UGT2B17: variants seen among roughly 807,000 people sequenced by gnomAD.
UGT2B17 encodes the protein UDP-glucuronosyltransferase 2B17.
Under a neutral mutation model 48.2 loss-of-function variants are expected in UGT2B17, and 21 were observed. The ratio of observed to expected loss-of-function variants is 0.44; its 90% CI spans 0.31 to 0.63. The LOEUF (loss-of-function observed/expected upper bound fraction) is 0.63, where lower values mean the gene tolerates loss of function less well. Among genes scored for constraint, UGT2B17 ranks in the 20% least tolerant of loss-of-function variants. UGT2B17 has a pLI of 0.08. For synonymous variants in UGT2B17, 146 were observed against 238.4 expected, an observed-to-expected ratio of 0.61 and a Z score of 3.57; for missense variants, 402 against 696.1, an observed-to-expected ratio of 0.58 and a Z score of 4.75.
In UGT2B17 at chr4:68,568,517, T is replaced by C. The variant is rs1265097103; in HGVS notation, c.-33A>G. The C allele has an allele frequency of 1.6e-6, 2 of 1,289,614 alleles. No individual in the cohort carries two copies. Among genetic ancestry groups the C allele is most frequent in the South Asian group, 2.2e-5 (1 of 46,038 alleles). 79.9% of individuals were successfully genotyped at this position (1,289,614 alleles called of 1,614,324 possible). A position where few individuals can be genotyped will look rare whatever the true frequency, so the allele number is the denominator to read the frequency against. ...TTATGCAGTGCTTCTTTTCCAGTTG[T>C]TGTTTCTTTCTGTCATTTCTCATAC... On this transcript the variant is annotated 5_prime_UTR_variant, in exon 2 of 7. Coordinates refer to ENST00000317746, the MANE Select transcript of UGT2B17 (RefSeq NM_001077.4).
Position 68,555,757 on chromosome 4 carries a change from T to A in UGT2B17, c.1006-3846A>T, listed in dbSNP as rs1453719436. 4.9e-5 allele frequency among the ~76,000 whole-genome samples: 6 copies of A among 123,104 alleles called. 2 individuals carry two copies. Among genetic ancestry groups the A allele is most frequent in the Non-Finnish European group, 1.0e-4 (6 of 58,304 alleles). The allele number at this position is 123,104 out of a possible 152,430, so 80.8% of individuals were successfully genotyped here. ...AGATATTTCATTGTTTGGGTATTTT[T>A]AAAAAAAAATTTGTAGGAAAACATT... is the stretch of plus-strand genomic sequence containing the variant. On this transcript the variant is annotated intron_variant, in intron 4 of 6. Transcript: ENST00000317746.
In UGT2B17 at chr4:68,537,830, A is replaced by G; in HGVS notation, c.1388T>C (p.Phe463Ser). The change falls in exon 7 of 7, where the codon TTC (phenylalanine) becomes TCC (serine). Residue 463 changes from phenylalanine to serine, a missense_variant. Phe to Ser is a radical substitution (Grantham distance 155). This residue lies in a region of UGT2B17 where 156 missense variants were observed against 258.6 expected (regional missense o/e 0.60). Transcript: ENST00000317746. ...QPVKPLDRAV[F>S]WIEFVMRHKG... ...ATGGCGCATGACAAACTCAATCCAGAAGACTGCTCGATCCAGGGGCTTCAC... is the reference window on the plus strand; with the variant it reads ...ATGGCGCATGACAAACTCAATCCAGGAGACTGCTCGATCCAGGGGCTTCAC... The G allele has an allele frequency of 7.2e-7, 1 of 1,379,586 alleles. No individual in the cohort carries two copies. Among genetic ancestry groups the G allele is most frequent in the Non-Finnish European group, 9.5e-7 (1 of 1,054,926 alleles). 85.5% of individuals were successfully genotyped at this position (1,379,586 alleles called of 1,614,324 possible).
intron 6 of UGT2B17, among the ~76,000 whole-genome samples, chr4:68,543,228 T>A (rs1199525090): frequency 8.0e-6 from 1 of 125,216 alleles, no homozygotes; most frequent in Non-Finnish European, 1.7e-5. Context: ...CGGGTACTCC[T>A]CTGAGAAAAC....
chr4:68,544,349 G>A (rs1403707805), intron 6 of UGT2B17, among the ~76,000 whole-genome samples: 1 of 125,454 alleles, frequency 8.0e-6, no homozygotes, highest in African/African-American at 2.7e-5. Context: ...ATAAGTGAAG[G>A]AGAAATAAAA....
chr4:68,572,588 G>A (rs570182839), intron 1 of UGT2B17, among the ~76,000 whole-genome samples: 2 of 126,456 alleles, frequency 1.6e-5, no homozygotes, highest in Admixed American at 8.1e-5. Flanking sequence ...ATGAGGGCGT[G>A]ATCATGGAAG....
rs763550276 is a variant in UGT2B17 at position 68,570,186 on chromosome 4, G to T, written c.-64-1638C>A. 6.3e-5 allele frequency among the ~76,000 whole-genome samples: 8 copies of T among 126,806 alleles called. 2 individuals carry two copies. Among genetic ancestry groups the T allele is most frequent in the Non-Finnish European group, 8.4e-5 (5 of 59,726 alleles). The allele number at this position is 126,806 out of a possible 152,430, so 83.2% of individuals were successfully genotyped here. A position where few individuals can be genotyped will look rare whatever the true frequency, so the allele number is the denominator to read the frequency against. On this transcript the variant is annotated intron_variant, in intron 1 of 6. Coordinates refer to ENST00000317746, the MANE Select transcript of UGT2B17 (RefSeq NM_001077.4). ...CTGCCTTAAAATCCAAGCTCCTCAA[G>T]TGCGCAATTTTTGTCCTTTTTAAGG...
chr4:68,574,360 A>T (rs1731337071), intron 1 of UGT2B17, among the ~76,000 whole-genome samples: 1 of 126,616 alleles, frequency 7.9e-6, no homozygotes, highest in African/African-American at 2.7e-5. Context: ...ATTTTAATAA[A>T]ACCTTGTAGA....
intron 3 of UGT2B17, among the ~76,000 whole-genome samples, chr4:68,564,736 C>T (rs115921779): frequency 0.045 from 5,619 of 125,000 alleles, 1,309 homozygotes; most frequent in African/African-American, 0.15. Context: ...AGTCTCACTC[C>T]GTCGCACAGG....
chr4:68,563,649 C>T (rs1471614074), intron 3 of UGT2B17, among the ~76,000 whole-genome samples: 1 of 126,106 alleles, frequency 7.9e-6, no homozygotes, highest in Admixed American at 8.1e-5. Flanking sequence ...TTCTCTTCCC[C>T]CTGCTAATGG....
At position 68,539,271 on chromosome 4, in the gene UGT2B17, T is replaced by C. The variant is rs185736766; in HGVS notation, c.1314-1367A>G. ...ACTACTTTTATCCTCAAAGTAAGTA[T>C]TAACCTGAATTCTAATATCATAGAT... is the stretch of plus-strand genomic sequence containing the variant. On this transcript the variant is annotated intron_variant, in intron 6 of 6. Transcript: ENST00000317746. Among the ~76,000 whole-genome samples, 251 of 125,806 alleles carry C rather than the reference T, an allele frequency of 2.0e-3. 48 individuals carry two copies. Among genetic ancestry groups the C allele is most frequent in the African/African-American group, 6.5e-3 (240 of 37,092 alleles). The allele number at this position is 125,806 out of a possible 152,430, so 82.5% of individuals were successfully genotyped here. A position where few individuals can be genotyped will look rare whatever the true frequency, so the allele number is the denominator to read the frequency against.
At chr4:68,552,136 C>G (rs376209750) in intron 4 of UGT2B17, among the ~76,000 whole-genome samples, 3 of 126,112 alleles carry the variant, frequency 2.4e-5, no homozygotes, top group East Asian at 7.6e-4. Context: ...AATGACATTT[C>G]TAACTTAATA....
rs750973401 is a variant in UGT2B17 at position 68,567,924 on chromosome 4, T to C, written c.561A>G (p.Gly187=). ...VGYTVEKNGG[G]FLFPPSYVPV... ...GTACATAGGAAGGAGGGAACAGAAA[T>C]CCTCCACCATTCTTCTCAACTGTGT... Residue 187 remains glycine (G), a synonymous_variant, in exon 2 of 7, where the codon GGA becomes GGG. Transcript: ENST00000317746. 4.3e-6 allele frequency: 6 copies of C among 1,379,766 alleles called. No homozygotes were observed. Among genetic ancestry groups the C allele is most frequent in the Non-Finnish European group, 5.7e-6 (6 of 1,054,730 alleles). 85.5% of individuals were successfully genotyped at this position (1,379,766 alleles called of 1,614,324 possible).
intron 6 of UGT2B17, 127 bp downstream of exon 6, chr4:68,550,550 G>T: frequency 1.4e-6 from 1 of 736,244 alleles, no homozygotes; most frequent in Non-Finnish European, 1.8e-6. Flanking sequence ...AATAAGAGCA[G>T]ATTTTACATT....
rs1730949039 is a variant in UGT2B17, at chr4:68,553,395, AG to A, written c.1006-1485del. On this transcript the variant is annotated intron_variant, in intron 4 of 6. Coordinates refer to ENST00000317746, the MANE Select transcript of UGT2B17 (RefSeq NM_001077.4). ...CCTCCTTTTGTCTTTTGCCATTTGT[AG>A]TACCAAAAATCTAGAGAAGGCTTCT... 2.4e-5 allele frequency among the ~76,000 whole-genome samples: 3 copies of A among 126,934 alleles called. 1 individual carries two copies. In the South Asian group the frequency reaches 1.1e-3, roughly 46 times the overall value. 83.3% of individuals were successfully genotyped at this position (126,934 alleles called of 152,430 possible).
rs1229712104 is a variant in UGT2B17 at position 68,549,636 on chromosome 4, A to G, written c.1313+1041T>C. 2.4e-5 allele frequency among the ~76,000 whole-genome samples: 3 copies of G among 125,536 alleles called. 1 individual carries two copies. Among genetic ancestry groups the G allele is most frequent in the Non-Finnish European group, 5.1e-5 (3 of 59,278 alleles). The allele number at this position is 125,536 out of a possible 152,430, so 82.4% of individuals were successfully genotyped here. A position where few individuals can be genotyped will look rare whatever the true frequency, so the allele number is the denominator to read the frequency against. The stretch of plus-strand genomic sequence containing the variant: ...CACACACTAGAAAGGCTGTAATAGA[A>G]AGACAGGTGATAACAAGTGTTGGGA... On this transcript the variant is annotated intron_variant, in intron 6 of 6. Transcript: ENST00000317746.
intron 4 of UGT2B17, among the ~76,000 whole-genome samples, chr4:68,559,272 A>G (rs1020989730): frequency 1.6e-5 from 2 of 126,404 alleles, no homozygotes; most frequent in Admixed American, 8.1e-5. Flanking sequence ...CTACATATGT[A>G]GTAAATTCAG....
intron 4 of UGT2B17, among the ~76,000 whole-genome samples, chr4:68,559,615 A>C (rs1731065655): frequency 7.9e-6 from 1 of 126,764 alleles, no homozygotes; most frequent in African/African-American, 2.7e-5. Flanking sequence ...TGTTTTCAGC[A>C]AAAACTTGCA....
At chr4:68,545,852 C>A (rs1169691583) in intron 6 of UGT2B17, among the ~76,000 whole-genome samples, 1 of 125,920 alleles carries the variant, frequency 7.9e-6, no homozygotes, top group African/African-American at 2.7e-5. Flanking sequence ...TCGACACACA[C>A]ACCCTCCCAA....
chr4:68,547,802 G>T (rs1730844392), intron 6 of UGT2B17, among the ~76,000 whole-genome samples: 2 of 126,680 alleles, frequency 1.6e-5, no homozygotes, highest in South Asian at 3.6e-4. Context: ...AGACATTTAG[G>T]CAGCCAAAAG....
Sources: gnomAD v4.1 joint callset for allele counts (sites outside exome capture counted in the v4.1 genomes callset) on GRCh38, gnomAD v4.1.1 for gene constraint, gnomAD v4.1.1 regional missense constraint, MANE v1.5 for transcripts, NCBI Gene and HGNC (gene_info 2026-07-23, HGNC 2026-07-21) for gene names.